ATG4C: variants seen among roughly 807,000 people sequenced by gnomAD.
The protein encoded by ATG4C is autophagy related 4C cysteine peptidase.
In ATG4C, 56 loss-of-function variants were observed where a neutral mutation model predicts 57.6. The observed-to-expected ratio is 0.97, with a 90% CI of 0.78 to 1.21. ATG4C has a LOEUF of 1.21. ATG4C is among the 50% of genes most tolerant of loss of function. The probability of loss-of-function intolerance (pLI) is 0.00; values close to 1 mark genes in which losing one functional copy is unlikely to be tolerated. For synonymous variants in ATG4C, 157 were observed against 174.1 expected, an observed-to-expected ratio of 0.90 and a Z score of 0.78; for missense variants, 595 against 529.8, an observed-to-expected ratio of 1.12 and a Z score of -1.21.
At chr1:62,800,226 T>C (rs1664612981) in intron 1 of ATG4C, among the ~76,000 whole-genome samples, 1 of 152,196 alleles carries the variant, frequency 6.6e-6, no homozygotes, top group Non-Finnish European at 1.5e-5. Context: ...GATACCTGCA[T>C]GCACATACTC....
At chr1:62,796,238 A>G (rs890060702) in intron 1 of ATG4C, among the ~76,000 whole-genome samples, 31 of 51,188 alleles carry the variant, frequency 6.1e-4, no homozygotes, top group Admixed American at 1.6e-3. Context: ...GCTCATTTGT[A>G]GTTAAACTAA....
chr1:62,801,955 C>A, intron 1 of ATG4C, among the ~76,000 whole-genome samples: 1 of 58,510 alleles, frequency 1.7e-5, no homozygotes, highest in South Asian at 8.7e-4. Flanking sequence ...AAGACTCTGT[C>A]TCCAAAAAAA....
chr1:62,811,395 T>G (rs1665079290), intron 3 of ATG4C, among the ~76,000 whole-genome samples: 1 of 152,208 alleles, frequency 6.6e-6, no homozygotes, highest in African/African-American at 2.4e-5. Context: ...AGTTTTTCCT[T>G]CTCATTATAT....
chr1:62,833,827 A>G (rs915183557), intron 7 of ATG4C, among the ~76,000 whole-genome samples: 1 of 152,080 alleles, frequency 6.6e-6, no homozygotes, highest in Admixed American at 6.6e-5. Context: ...TGATCAAAAT[A>G]TTTGATTTGT....
chr1:62,813,927 T>A (rs182016710), intron 3 of ATG4C, among the ~76,000 whole-genome samples: 3,084 of 152,224 alleles, frequency 0.02, 108 homozygotes, highest in African/African-American at 0.071. Flanking sequence ...TGGTGATCAT[T>A]AAAAAGTCAG....
intron 3 of ATG4C, among the ~76,000 whole-genome samples, chr1:62,806,719 G>A (rs1398482707): frequency 6.6e-6 from 1 of 152,080 alleles, no homozygotes. Flanking sequence ...CCATTGAGAG[G>A]TTTCCTTGTT....
At chr1:62,841,650 C>T (rs1666171808) in intron 10 of ATG4C, 103 bp downstream of exon 10, 1 of 989,190 alleles carries the variant, frequency 1.0e-6, no homozygotes, top group African/African-American at 1.7e-5. Flanking sequence ...ATAAAATTTC[C>T]TCTTGAATGT....
chr1:62,858,452 A>G (rs1666751013), intron 10 of ATG4C, among the ~76,000 whole-genome samples: 1 of 152,208 alleles, frequency 6.6e-6, no homozygotes, highest in Admixed American at 6.5e-5. Flanking sequence ...AACATGGATG[A>G]TAAGCCTAGC....
intron 6 of ATG4C, among the ~76,000 whole-genome samples, chr1:62,821,660 T>G (rs1665487097): frequency 6.6e-6 from 1 of 152,098 alleles, no homozygotes; most frequent in South Asian, 2.1e-4. Flanking sequence ...GTTTTGGGTC[T>G]TCTTTTTGAT....
chr1:62,795,037 A>G (rs1328957333), intron 1 of ATG4C, among the ~76,000 whole-genome samples: 6 of 152,238 alleles, frequency 3.9e-5, no homozygotes, highest in Non-Finnish European at 8.8e-5. Context: ...TTCTAAATCA[A>G]TATCTATATT....
At chr1:62,796,266 C>T (rs1190061371) in intron 1 of ATG4C, among the ~76,000 whole-genome samples, 1 of 105,716 alleles carries the variant, frequency 9.5e-6, no homozygotes, top group Non-Finnish European at 1.8e-5. Flanking sequence ...GTTTGTCTTG[C>T]TTTCCTTGGC....
At chr1:62,853,476 T>C (rs1395654874) in intron 10 of ATG4C, among the ~76,000 whole-genome samples, 9 of 152,244 alleles carry the variant, frequency 5.9e-5, no homozygotes, top group African/African-American at 2.2e-4. Context: ...AGACAGGATC[T>C]TGCTATGTTG....
intron 8 of ATG4C, 81 bp from the exon 9 acceptor site, chr1:62,834,695 G>T: frequency 8.5e-7 from 1 of 1,182,406 alleles, no homozygotes; most frequent in Non-Finnish European, 1.2e-6. Flanking sequence ...TTTTTCAGCT[G>T]TTCTACATAG....
chr1:62,865,502 G>C lies in ATG4C; in HGVS notation c.*1343G>C, dbSNP rs1281140995. The C allele has an allele frequency of 6.6e-6, 1 of 151,994 alleles. No homozygotes were observed. Among genetic ancestry groups the C allele is most frequent in the Non-Finnish European group, 1.5e-5 (1 of 67,834 alleles). 9.4% of individuals were successfully genotyped at this position (151,994 alleles called of 1,614,324 possible). A position where few individuals can be genotyped will look rare whatever the true frequency, so the allele number is the denominator to read the frequency against. ...ATTACTTACTGAGTTGAAATAAATA[G>C]TCTGAAATCTAAAAGTTTTCTTTAG... On this transcript the variant is annotated 3_prime_UTR_variant, in exon 11 of 11. Coordinates refer to ENST00000317868, the MANE Select transcript of ATG4C (RefSeq NM_032852.4).
intron 1 of ATG4C, among the ~76,000 whole-genome samples, chr1:62,789,622 GC>G (rs1233300107): frequency 6.6e-6 from 1 of 151,402 alleles, no homozygotes; most frequent in Non-Finnish European, 1.5e-5. Flanking sequence ...GACCATCCTG[GC>G]TAACACGGTG....
At position 62,805,235 on chromosome 1, in the gene ATG4C, G is replaced by A; in HGVS notation, c.140G>A (p.Cys47Tyr). 1 of 1,506,166 alleles carries A rather than the reference G, an allele frequency of 6.6e-7. No individual in the cohort carries two copies. Among genetic ancestry groups the A allele is most frequent in the Admixed American group, 2.5e-5 (1 of 40,790 alleles). The allele number at this position is 1,506,166 out of a possible 1,614,324, so 93.3% of individuals were successfully genotyped here. The change falls in exon 3 of 11, where the codon TGT becomes TAT. Residue 47 changes from cysteine to tyrosine, a missense_variant. Transcript: ENST00000317868. The part of the protein sequence containing the change: ...RNSPVLLLGK[C>Y]YHFKYEDEDK... ...TCTCCTGTATTATTGCTTGGAAAAT[G>A]TTACCATTTTAAATATGAAGGTAAG...
intron 10 of ATG4C, among the ~76,000 whole-genome samples, chr1:62,842,728 G>A (rs1158755752): frequency 6.6e-6 from 1 of 152,114 alleles, no homozygotes; most frequent in Non-Finnish European, 1.5e-5. Flanking sequence ...AGGAAATTTA[G>A]CAGGAATGTG....
chr1:62,794,062 T>C (rs1276405657), intron 1 of ATG4C, among the ~76,000 whole-genome samples: 1 of 151,962 alleles, frequency 6.6e-6, no homozygotes, highest in Non-Finnish European at 1.5e-5. Flanking sequence ...ATGTTCTTCT[T>C]AGAGATAAGA....
chr1:62,810,617 C>G lies in ATG4C; in HGVS notation c.160+5362C>G, dbSNP rs142845822. ...TTTCAACAAAACCACATAAATCTTA[C>G]GAAACATCTTGTTTTCTTCCAAACC... On this transcript the variant is annotated intron_variant, in intron 3 of 10. Transcript: ENST00000317868. Among the ~76,000 whole-genome samples, 33 of 152,090 alleles carry G rather than the reference C, an allele frequency of 2.2e-4. 1 individual carries two copies. Among genetic ancestry groups the G allele is most frequent in the South Asian group, 1.9e-3 (9 of 4,816 alleles).
Sources: gnomAD v4.1 joint callset for allele counts (sites outside exome capture counted in the v4.1 genomes callset) on GRCh38, gnomAD v4.1.1 for gene constraint, MANE v1.5 for transcripts, NCBI Gene and HGNC (gene_info 2026-07-23, HGNC 2026-07-21) for gene names.